The following CAMTA1 variants were observed in gnomAD, a reference collection of about 807,000 sequenced individuals.
CAMTA1 encodes the protein calmodulin-binding transcription activator 1.
Under a neutral mutation model 170.9 loss-of-function variants are expected in CAMTA1, and 27 were observed. The ratio of observed to expected loss-of-function variants is 0.16; its 90% CI spans 0.12 to 0.22. The LOEUF (loss-of-function observed/expected upper bound fraction) is 0.22. CAMTA1 is among the 10% of genes least tolerant of loss of function. CAMTA1 has a pLI of 1.00. For missense variants in CAMTA1, 1,619 were observed against 2,217.2 expected, an observed-to-expected ratio of 0.73 and a Z score of 5.42; for synonymous variants, 833 against 891.5, an observed-to-expected ratio of 0.93 and a Z score of 1.17.
chr1:7,599,479 A>G (rs1247199005), intron 6 of CAMTA1, among the ~76,000 whole-genome samples: 5 of 152,214 alleles, frequency 3.3e-5, no homozygotes, highest in East Asian at 1.9e-4. Context: ...CTGTGAAGAA[A>G]GTCATTGGTA....
chr1:7,188,034 G>A (rs998307504), intron 4 of CAMTA1, among the ~76,000 whole-genome samples: 1 of 152,194 alleles, frequency 6.6e-6, no homozygotes, highest in African/African-American at 2.4e-5. Flanking sequence ...AAGCTAAGGG[G>A]AAACAGGCAC....
chr1:7,362,273 T>C (rs1441133734), intron 5 of CAMTA1, among the ~76,000 whole-genome samples: 1 of 152,196 alleles, frequency 6.6e-6, no homozygotes, highest in Non-Finnish European at 1.5e-5. Flanking sequence ...CTGGTAAACT[T>C]GGTTAGAGTT....
At chr1:7,420,558 G>A (rs1295774755) in intron 5 of CAMTA1, among the ~76,000 whole-genome samples, 1 of 150,292 alleles carries the variant, frequency 6.7e-6, no homozygotes, top group African/African-American at 2.5e-5. Flanking sequence ...CTTCCATGTG[G>A]CCCTCGTTTG....
intron 22 of CAMTA1, among the ~76,000 whole-genome samples, chr1:7,761,846 G>A (rs1429634599): frequency 6.7e-6 from 1 of 150,314 alleles, no homozygotes; most frequent in South Asian, 2.1e-4. Flanking sequence ...GATAGAAAAC[G>A]ATCTAATTCA....
chr1:7,743,656 T>C (rs1293378824), intron 16 of CAMTA1, among the ~76,000 whole-genome samples: 1 of 152,066 alleles, frequency 6.6e-6, no homozygotes, highest in Non-Finnish European at 1.5e-5. Context: ...TTTGTCACTT[T>C]GTATAGTTCC....
Position 7,674,600 on chromosome 1 carries a change from G to A in CAMTA1, c.2780-2999G>A, listed in dbSNP as rs2096094859. On this transcript the variant is annotated intron_variant, in intron 10 of 22. Transcript: ENST00000303635. The surrounding 1 kb of genome is among the most constrained non-coding windows in gnomAD (Gnocchi z 4.1). ...TCGAGACCAGCCTGACCGACATGGT[G>A]AAACCCCGTCTCTACTAAAAATACA... is the stretch of plus-strand genomic sequence containing the variant. Among the ~76,000 whole-genome samples the A allele has an allele frequency of 6.6e-6, 1 of 152,126 alleles. No individual in the cohort carries two copies. Among genetic ancestry groups the A allele is most frequent in the Non-Finnish European group, 1.5e-5 (1 of 68,030 alleles).
intron 22 of CAMTA1, among the ~76,000 whole-genome samples, chr1:7,761,223 C>G (rs1011175979): frequency 6.6e-6 from 1 of 152,170 alleles, no homozygotes; most frequent in African/African-American, 2.4e-5. Flanking sequence ...TCTTGCTATT[C>G]TAATTACTGT....
intron 4 of CAMTA1, among the ~76,000 whole-genome samples, chr1:7,215,734 A>T (rs1659643510): frequency 1.3e-5 from 2 of 152,118 alleles, no homozygotes. Flanking sequence ...CATTTTTGGA[A>T]TTTCTATTGC....
intron 6 of CAMTA1, among the ~76,000 whole-genome samples, chr1:7,602,241 T>C (rs907743303): frequency 2.0e-5 from 3 of 148,788 alleles, no homozygotes; most frequent in Non-Finnish European, 4.5e-5. Flanking sequence ...TACCAGCTCC[T>C]CCTTGTACCT....
Position 7,499,052 on chromosome 1 carries a change from C to T in CAMTA1, c.510+31151C>T, listed in dbSNP as rs1462222039. 3.3e-4 allele frequency among the ~76,000 whole-genome samples: 39 copies of T among 117,212 alleles called. 1 individual carries two copies. The highest frequency in any genetic ancestry group is 1.4e-3 in the African/African-American group (39 of 28,556). The allele number at this position is 117,212 out of a possible 152,430, so 76.9% of individuals were successfully genotyped here. The stretch of plus-strand genomic sequence containing the variant: ...AGTGTGTAGAGAGGATTGTGTGAGC[C>T]TGGTGTGCGTGTGTATGTATATGAG... On this transcript the variant is annotated intron_variant, in intron 6 of 22. Transcript: ENST00000303635.
chr1:7,672,018 G>T (rs1158788889), intron 10 of CAMTA1: 1 of 456,212 alleles, frequency 2.2e-6, no homozygotes, highest in Admixed American at 2.3e-5. Flanking sequence ...GGCTGTTGCT[G>T]GCAGGACTCC....
intron 5 of CAMTA1, among the ~76,000 whole-genome samples, chr1:7,340,819 A>G (rs546754594): frequency 6.6e-6 from 1 of 152,114 alleles, no homozygotes; most frequent in African/African-American, 2.4e-5. Context: ...TCTGCACCAA[A>G]CAATGAATTA....
At chr1:7,108,170 A>G (rs1450902758) in intron 4 of CAMTA1, among the ~76,000 whole-genome samples, 1 of 152,168 alleles carries the variant, frequency 6.6e-6, no homozygotes, top group African/African-American at 2.4e-5. Context: ...GCAAGAATTC[A>G]GTGAAGATAA....
At chr1:6,890,588 G>C (rs1378570348) in intron 3 of CAMTA1, among the ~76,000 whole-genome samples, 13 of 151,426 alleles carry the variant, frequency 8.6e-5, no homozygotes, top group Non-Finnish European at 1.9e-4. Flanking sequence ...TTTTGTTGAG[G>C]TGAAGTCTCA....
chr1:7,454,818 C>T (rs777462510), intron 5 of CAMTA1, among the ~76,000 whole-genome samples: 2 of 152,080 alleles, frequency 1.3e-5, no homozygotes, highest in Non-Finnish European at 2.9e-5. Flanking sequence ...TTCCTCAGTC[C>T]CTGTGTTAAA....
At chr1:7,477,298 A>C (rs1043104059) in intron 6 of CAMTA1, among the ~76,000 whole-genome samples, 8 of 152,006 alleles carry the variant, frequency 5.3e-5, no homozygotes, top group African/African-American at 1.9e-4. Flanking sequence ...TGAGGATGAA[A>C]GGTTGTGTCA....
intron 6 of CAMTA1, among the ~76,000 whole-genome samples, chr1:7,483,111 T>G (rs2093564085): frequency 6.6e-6 from 1 of 151,920 alleles, no homozygotes; most frequent in Non-Finnish European, 1.5e-5. Context: ...CAGCCCGAGG[T>G]CAAGGGGGAA....
At chr1:7,760,535 T>C (rs1441254322) in intron 22 of CAMTA1, among the ~76,000 whole-genome samples, 4 of 152,208 alleles carry the variant, frequency 2.6e-5, no homozygotes, top group Non-Finnish European at 5.9e-5. Context: ...AAGACGTGAA[T>C]GTGGGATGTG....
chr1:7,510,348 G>A (rs1356186224), intron 6 of CAMTA1, among the ~76,000 whole-genome samples: 1 of 145,344 alleles, frequency 6.9e-6, no homozygotes, highest in Non-Finnish European at 1.5e-5. Flanking sequence ...GCGATTCCCA[G>A]GCTGGCATTG....
Sources: allele counts gnomAD v4.1 joint callset (sites outside exome capture counted in the v4.1 genomes callset), GRCh38; gene constraint gnomAD v4.1.1; non-coding constraint Gnocchi (gnomAD v3.1); transcripts MANE v1.5; gene names NCBI Gene and HGNC (gene_info 2026-07-23, HGNC 2026-07-21).